The following GRIP2 variants were observed in gnomAD, a reference collection of about 807,000 sequenced individuals.
GRIP2 encodes glutamate receptor-interacting protein 2.
A neutral mutation model predicts 108.3 loss-of-function variants in GRIP2; 58 were observed. The ratio of observed to expected loss-of-function variants is 0.54; its 90% confidence interval spans 0.43 to 0.67. GRIP2 has a LOEUF of 0.67. GRIP2 is among the 30% of genes least tolerant of loss of function. The pLI is 0.00. For missense variants in GRIP2, 1,278 were observed against 1,430.6 expected, an observed-to-expected ratio of 0.89 and a Z score of 1.72; for synonymous variants, 586 against 598.2, an observed-to-expected ratio of 0.98 and a Z score of 0.30.
chr3:14,575,037 T>C, the GRIP2 span, among the ~76,000 whole-genome samples: 95 of 151,968 alleles, frequency 6.3e-4, no homozygotes, highest in African/African-American at 2.2e-3. Context: ...GGAGGGTGGG[T>C]ACCTCTAGGG....
chr3:14,557,005 T>A (rs1695245892), upstream of GRIP2, among the ~76,000 whole-genome samples: 1 of 152,166 alleles, frequency 6.6e-6, no homozygotes, highest in Non-Finnish European at 1.5e-5. Flanking sequence ...ACCACACTCA[T>A]AGGAAGGGCA....
At chr3:14,569,117 G>A in the GRIP2 span, among the ~76,000 whole-genome samples, 5 of 152,134 alleles carry the variant, frequency 3.3e-5, no homozygotes, top group Admixed American at 2.0e-4. Context: ...CTGCCCAGAC[G>A]CCCCCGCCTT....
upstream of GRIP2, among the ~76,000 whole-genome samples, chr3:14,558,127 G>A (rs948723710): frequency 1.3e-5 from 2 of 152,204 alleles, no homozygotes; most frequent in African/African-American, 4.8e-5. Flanking sequence ...TCCTCAGAGC[G>A]CATGAGGGTG....
the GRIP2 span, chr3:14,573,170 G>C: frequency 7.0e-7 from 1 of 1,435,436 alleles, no homozygotes; most frequent in Non-Finnish European, 9.8e-7. Flanking sequence ...CCAGCAGCTT[G>C]AAGAAGGCAT....
chr3:14,523,510 G>A (rs4685173), intron 5 of GRIP2, 102 bp downstream of exon 5: 348,584 of 794,420 alleles, frequency 0.44, 80,030 homozygotes, highest in East Asian at 0.59. Context: ...AGTCAGAACT[G>A]AGATACACAT....
At chr3:14,497,247 G>T (rs748496089) in intron 21 of GRIP2, among the ~76,000 whole-genome samples, 8 of 152,032 alleles carry the variant, frequency 5.3e-5, no homozygotes, top group Non-Finnish European at 7.4e-5. Flanking sequence ...GATTACAGGC[G>T]TGAGCCATCA....
At chr3:14,523,531 C>A in intron 5 of GRIP2, 81 bp downstream of exon 5, 2 of 912,960 alleles carry the variant, frequency 2.2e-6, no homozygotes, top group Non-Finnish European at 3.5e-6. Context: ...AAATTACATT[C>A]AAATCCAAAC....
At chr3:14,515,417 G>T (rs1385626648) in intron 11 of GRIP2, among the ~76,000 whole-genome samples, 1 of 151,890 alleles carries the variant, frequency 6.6e-6, no homozygotes, top group Admixed American at 6.6e-5. Flanking sequence ...GATACATAAG[G>T]TTATTTAATA....
At chr3:14,518,167 G>T (rs1694308713) in intron 9 of GRIP2, among the ~76,000 whole-genome samples, 1 of 152,234 alleles carries the variant, frequency 6.6e-6, no homozygotes, top group Non-Finnish European at 1.5e-5. Context: ...GTGGAGCAGG[G>T]ATTTGAACAC....
the GRIP2 span, among the ~76,000 whole-genome samples, chr3:14,586,826 C>T: frequency 1.3e-5 from 2 of 152,106 alleles, no homozygotes; most frequent in African/African-American, 4.8e-5. Context: ...ATAAACCATG[C>T]CTGGAATGAC....
chr3:14,511,302 GT>G lies in GRIP2; in HGVS notation c.1795del (p.Thr599ProfsTer35). ...CAGTAGCTTGTCGCCTGGCTCCAGG[GT>G]GCCCGTCCTGCATGAGTCGGGGGCA... ...KKGSVAHRTG[T>X]LEPGDKLLAI... On this transcript the variant is annotated frameshift_variant, in exon 16 of 24. Coordinates refer to ENST00000621039, the MANE Select transcript of GRIP2 (RefSeq NM_001080423.4). LOFTEE classifies it high-confidence loss of function. The surrounding 1 kb of genome is among the most constrained non-coding windows in gnomAD (Gnocchi z 4.1). 1.9e-6 allele frequency: 3 copies of G among 1,614,006 alleles called. No homozygotes were observed. The highest frequency in any genetic ancestry group is 2.5e-6 in the Non-Finnish European group (3 of 1,179,884).
At chr3:14,590,475 CT>C in the GRIP2 span, among the ~76,000 whole-genome samples, 2,228 of 152,230 alleles carry the variant, frequency 0.015, 34 homozygotes, top group South Asian at 0.05. Context: ...TGCATTTGGA[CT>C]TTTTCTCTCA....
rs1360042484 is a variant in GRIP2, at chr3:14,493,426, A to G, written c.*239T>C. 1 of 527,912 alleles carries G rather than the reference A, an allele frequency of 1.9e-6. No homozygotes were observed. Among genetic ancestry groups the G allele is most frequent in the African/African-American group, 1.9e-5 (1 of 51,486 alleles). 32.7% of individuals were successfully genotyped at this position (527,912 alleles called of 1,614,324 possible). A position where few individuals can be genotyped will look rare whatever the true frequency, so the allele number is the denominator to read the frequency against. On this transcript the variant is annotated 3_prime_UTR_variant, in exon 24 of 24. Coordinates refer to ENST00000621039, the MANE Select transcript of GRIP2 (RefSeq NM_001080423.4). ...CTTCTTAAGGGAGGCTCCTCTGGGC[A>G]TCTTGGAGACCCAACTTGGCGAGAG...
intron 1 of GRIP2, among the ~76,000 whole-genome samples, chr3:14,539,630 A>G (rs543072111): frequency 2.5e-4 from 38 of 152,256 alleles, no homozygotes; most frequent in African/African-American, 9.1e-4. Context: ...CCCTCTTTGG[A>G]GGAATAGGGT....
At chr3:14,597,223 C>T in the GRIP2 span, among the ~76,000 whole-genome samples, 1 of 152,184 alleles carries the variant, frequency 6.6e-6, no homozygotes, top group Admixed American at 6.5e-5. Context: ...AGGTGAAAAC[C>T]ACCTTCCAAT....
At chr3:14,573,117 A>T in the GRIP2 span, 1 of 1,434,916 alleles carries the variant, frequency 7.0e-7, no homozygotes, top group Non-Finnish European at 9.8e-7. Context: ...AAAGTTGTCG[A>T]TCCAGGGCAG....
rs1209242956 is a variant in GRIP2, at chr3:14,522,652, C to G, written c.566+348G>C. The G allele has an allele frequency of 1.2e-5, 3 of 249,724 alleles. No homozygotes were observed. The highest frequency in any genetic ancestry group is 5.0e-5 in the Admixed American group (1 of 20,016). The allele number at this position is 249,724 out of a possible 1,614,324, so 15.5% of individuals were successfully genotyped here. On this transcript the variant is annotated intron_variant, in intron 6 of 23. Transcript: ENST00000621039. This position sits in a 1 kb window ranked among gnomAD's most constrained non-coding sequence, Gnocchi z 4.3. ...GAGTCACAGACGGCTACAGCAGTGG[C>G]CAATCAGCGTGCCCCCAAATCTCTC... is the stretch of plus-strand genomic sequence containing the variant.
intron 1 of GRIP2, among the ~76,000 whole-genome samples, chr3:14,535,864 T>C (rs1448315297): frequency 6.6e-6 from 1 of 152,174 alleles, no homozygotes; most frequent in Non-Finnish European, 1.5e-5. Flanking sequence ...GCTGTTCGGC[T>C]CCAGGCAGAG....
Position 14,513,846 on chromosome 3 carries a change from C to T in GRIP2, c.1494-36G>A, listed in dbSNP as rs747720843. The T allele has an allele frequency of 3.4e-5, 55 of 1,604,814 alleles. No individual in the cohort carries two copies. The East Asian group carries it at 8.3e-4, about 24-fold the overall frequency. ...GGGGCCCGGCAGAGAGAAGAGGCTCCGTGACAGGTCCATTGGGAGACAAGA... is the reference window on the plus strand; with the variant it reads ...GGGGCCCGGCAGAGAGAAGAGGCTCTGTGACAGGTCCATTGGGAGACAAGA... On this transcript the variant is annotated intron_variant, in intron 12 of 23. Transcript: ENST00000621039.
Sources: allele counts gnomAD v4.1 joint callset (sites outside exome capture counted in the v4.1 genomes callset), GRCh38; gene constraint gnomAD v4.1.1; non-coding constraint Gnocchi (gnomAD v3.1); transcripts MANE v1.5; gene names NCBI Gene and HGNC (gene_info 2026-07-23, HGNC 2026-07-21).